The following TBL3 variants were observed in gnomAD, a reference collection of about 807,000 sequenced individuals.
TBL3 encodes transducin beta-like protein 3.
In TBL3, 71 loss-of-function variants were observed where a neutral mutation model predicts 102.7. The ratio of observed to expected loss-of-function variants is 0.69; its 90% CI spans 0.57 to 0.84. The LOEUF (loss-of-function observed/expected upper bound fraction) is 0.84. TBL3 is among the 40% of genes least tolerant of loss of function. TBL3 has a pLI of 0.00. For missense variants in TBL3, 1,188 were observed against 1,098.5 expected, an observed-to-expected ratio of 1.08 and a Z score of -1.15; for synonymous variants, 578 against 477.7, an observed-to-expected ratio of 1.21 and a Z score of -2.74.
Position 1,979,286 on chromosome 16 carries a change from G to C in TBL3, c.*601G>C. 1 of 1,558,962 alleles carries C rather than the reference G, an allele frequency of 6.4e-7. No homozygotes were observed. Among genetic ancestry groups the C allele is most frequent in the Non-Finnish European group, 8.6e-7 (1 of 1,159,952 alleles). On this transcript the variant is annotated 3_prime_UTR_variant, in exon 22 of 22. Transcript: ENST00000568546. ...CTCCACGGAACCCCGTCCCGCTCAG[G>C]AGAGCGCCCAGCCCTTCCGGCCGCA... is the stretch of plus-strand genomic sequence containing the variant.
Position 1,980,143 on chromosome 16 carries a change from GAA to G in TBL3, c.*1460_*1461del. The G allele has an allele frequency of 6.2e-7, 1 of 1,605,716 alleles. No homozygotes were observed. The highest frequency in any genetic ancestry group is 8.5e-7 in the Non-Finnish European group (1 of 1,178,346). On this transcript the variant is annotated 3_prime_UTR_variant, in exon 22 of 22. Transcript: ENST00000568546. ...GATGGAGAGGCGGCCCGCAGCGCGA[GAA>G]AGAGGCTGCTCCTCTGGGGTGGGCA...
Position 1,979,137 on chromosome 16 carries a change from C to G in TBL3, c.*452C>G, listed in dbSNP as rs751783687. ...CCGTGGGCGCCGCTCCAGGGCCCTG[C>G]GTGTGACGGTGCAGCAGCGGCTCTG... On this transcript the variant is annotated 3_prime_UTR_variant, in exon 22 of 22. Coordinates refer to ENST00000568546, the MANE Select transcript of TBL3 (RefSeq NM_006453.3). The G allele has an allele frequency of 1.4e-6, 2 of 1,472,224 alleles. No individual in the cohort carries two copies. The highest frequency in any genetic ancestry group is 1.3e-5 in the South Asian group (1 of 76,676). The allele number at this position is 1,472,224 out of a possible 1,614,324, so 91.2% of individuals were successfully genotyped here. A position where few individuals can be genotyped will look rare whatever the true frequency, so the allele number is the denominator to read the frequency against.
Position 1,981,068 on chromosome 16 carries a change from C to T in TBL3, c.*2383C>T, listed in dbSNP as rs889312626. The T allele has an allele frequency of 3.7e-6, 6 of 1,609,366 alleles. No individual in the cohort carries two copies. In the Admixed American group the frequency reaches 5.0e-5, roughly 13 times the overall value. On this transcript the variant is annotated 3_prime_UTR_variant, in exon 22 of 22. Transcript: ENST00000568546. The stretch of plus-strand genomic sequence containing the variant: ...GCCGTGGAGGTGCTGGTCCAGGCAC[C>T]CCCTTCCTATCCCTTGGGGCCACTA...
rs1415988126 is a variant in TBL3, at chr16:1,981,674, C to A, written c.*2989C>A. 5.8e-6 allele frequency: 1 copy of A among 170,988 alleles called. No individual in the cohort carries two copies. Among genetic ancestry groups the A allele is most frequent in the Non-Finnish European group, 1.3e-5 (1 of 78,976 alleles). 10.6% of individuals were successfully genotyped at this position (170,988 alleles called of 1,614,324 possible). On this transcript the variant is annotated 3_prime_UTR_variant, in exon 22 of 22. Coordinates refer to ENST00000568546, the MANE Select transcript of TBL3 (RefSeq NM_006453.3). ...TGGCCTGGGGATTTCTGTGCAGAAC[C>A]AAGGACTCAGTGCTTACAGCTTTAA... is the stretch of plus-strand genomic sequence containing the variant.
chr16:1,979,373 GGGCCCC>G lies in TBL3; in HGVS notation c.*690_*695del, dbSNP rs2083448367. The G allele has an allele frequency of 6.3e-7, 1 of 1,588,254 alleles. No individual in the cohort carries two copies. On this transcript the variant is annotated 3_prime_UTR_variant, in exon 22 of 22. Coordinates refer to ENST00000568546, the MANE Select transcript of TBL3 (RefSeq NM_006453.3). ...ACCTGCGAGGGGCGGGGTGTGGTTA[GGGCCCC>G]GCCCGCCTCGGCTAGCCTGCCCTGC...
At chr16:1,977,462 G>T (rs2083412610) in intron 16 of TBL3, 36 bp downstream of exon 16, 1 of 1,609,368 alleles carries the variant, frequency 6.2e-7, no homozygotes, top group Non-Finnish European at 8.5e-7. Flanking sequence ...ATGGAGTGGG[G>T]GGTGGCGGGG....
rs1007214113 is a variant in TBL3, at chr16:1,982,345, CCTT to C, written c.*3663_*3665del. On this transcript the variant is annotated 3_prime_UTR_variant, in exon 22 of 22. Transcript: ENST00000568546. Reference sequence around the variant, plus strand: ...GCAGGGTTCCCCCAGCCAGCTGTCACCTTCTCCCTGTCTCAGCTGAGGGCCCAG... The same window carrying C: ...GCAGGGTTCCCCCAGCCAGCTGTCACCTCCCTGTCTCAGCTGAGGGCCCAG... The C allele has an allele frequency of 3.9e-5, 6 of 152,282 alleles. No homozygotes were observed. Among genetic ancestry groups the C allele is most frequent in the South Asian group, 2.1e-4 (1 of 4,826 alleles). The allele number at this position is 152,282 out of a possible 1,614,324, so 9.4% of individuals were successfully genotyped here.
rs777017869 is a variant in TBL3 at position 1,975,940 on chromosome 16, G to A, written c.1120G>A (p.Gly374Ser). 15 of 1,614,004 alleles carry A rather than the reference G, an allele frequency of 9.3e-6. No individual in the cohort carries two copies. Among genetic ancestry groups the A allele is most frequent in the Admixed American group, 5.0e-5 (3 of 60,016 alleles). ...GACGTCAGCCTGCCAGATCCTCCAC[G>A]GCCACACGGGTGAGTGGGGCCAGCC... is the stretch of plus-strand genomic sequence containing the variant. Reference protein sequence around the residue: ...LQTSACQILHGHTDIVLALDV... With the variant: ...LQTSACQILHSHTDIVLALDV... Residue 374 changes from glycine (G) to serine (S), a missense_variant, in exon 11 of 22, where the codon GGC becomes AGC. Transcript: ENST00000568546.
Position 1,980,331 on chromosome 16 carries a change from CCG to C in TBL3, c.*1648_*1649del. 6.3e-7 allele frequency: 1 copy of C among 1,584,516 alleles called. No individual in the cohort carries two copies. Reference sequence around the variant, plus strand: ...CCTGGACCTCTCCCAGCTCCAAACGCCGCTGCATGCTGGGAGTTTGGGGCGAG... The same window carrying C: ...CCTGGACCTCTCCCAGCTCCAAACGCCTGCATGCTGGGAGTTTGGGGCGAG... On this transcript the variant is annotated 3_prime_UTR_variant, in exon 22 of 22. Coordinates refer to ENST00000568546, the MANE Select transcript of TBL3 (RefSeq NM_006453.3).
rs1293625783 is a variant in TBL3, at chr16:1,977,706, G to A, written c.1899+36G>A. 3 of 1,551,920 alleles carry A rather than the reference G, an allele frequency of 1.9e-6. No homozygotes were observed. In the South Asian group the frequency reaches 3.6e-5, roughly 18 times the overall value. ...CCAAGGGCAGGGAAGAGTCGGGGTGGAGTGGAGGCCCCATCTGACCCTAGT... is the reference window on the plus strand; with the variant it reads ...CCAAGGGCAGGGAAGAGTCGGGGTGAAGTGGAGGCCCCATCTGACCCTAGT... On this transcript the variant is annotated intron_variant, in intron 17 of 21. Coordinates refer to ENST00000568546, the MANE Select transcript of TBL3 (RefSeq NM_006453.3).
Position 1,974,845 on chromosome 16 carries a change from G to T in TBL3, c.462G>T (p.Val154=), listed in dbSNP as rs1200655135. 6.2e-7 allele frequency: 1 copy of T among 1,613,198 alleles called. No homozygotes were observed. Among genetic ancestry groups the T allele is most frequent in the African/African-American group, 1.3e-5 (1 of 75,070 alleles). Residue 154 remains valine, a splice_region_variant and synonymous_variant, in exon 6 of 22, where the codon GTG becomes GTT. Transcript: ENST00000568546. ...THHFRGSPGV[V]HLVAFHPDPT... is the part of the protein sequence containing the mutation. Reference sequence around the variant, plus strand: ...ACTTCCGAGGCTCGCCCGGTGTCGTGCAGTGAGTTGGAAGGTGGAGGGGGA... The same window carrying T: ...ACTTCCGAGGCTCGCCCGGTGTCGTTCAGTGAGTTGGAAGGTGGAGGGGGA...
chr16:1,978,782 C>G lies in TBL3; in HGVS notation c.*97C>G, dbSNP rs1008587307. On this transcript the variant is annotated 3_prime_UTR_variant, in exon 22 of 22. Coordinates refer to ENST00000568546, the MANE Select transcript of TBL3 (RefSeq NM_006453.3). ...TGTCTCTCTGGACTGCAGTCCAGCC[C>G]CCCACCCTGGCCAACACCCTACCTA... The G allele has an allele frequency of 2.7e-5, 39 of 1,448,788 alleles. 1 individual carries two copies. The highest frequency in any genetic ancestry group is 3.7e-5 in the Non-Finnish European group (39 of 1,067,528). 89.7% of individuals were successfully genotyped at this position (1,448,788 alleles called of 1,614,324 possible).
At chr16:1,973,056 C>G (rs1317602379) in intron 1 of TBL3, among the ~76,000 whole-genome samples, 2 of 152,096 alleles carry the variant, frequency 1.3e-5, no homozygotes, top group Non-Finnish European at 2.9e-5. Flanking sequence ...TGGGCAAGGT[C>G]TGGGAGGTGT....
intron 1 of TBL3, among the ~76,000 whole-genome samples, chr16:1,973,078 G>A (rs1010891514): frequency 6.6e-6 from 1 of 152,172 alleles, no homozygotes; most frequent in Admixed American, 6.5e-5. Flanking sequence ...TGGGCAGAAG[G>A]GAGGGGCTAA....
In TBL3 at chr16:1,980,739, C is replaced by T. The variant is rs963535062; in HGVS notation, c.*2054C>T. ...GGTCTCCTTGAGGGTCTTCTGAGGG[C>T]GGGAACCAGGGCATTGGTCTTCCAG... On this transcript the variant is annotated 3_prime_UTR_variant, in exon 22 of 22. Transcript: ENST00000568546. The T allele has an allele frequency of 1.9e-6, 3 of 1,591,424 alleles. No individual in the cohort carries two copies. The highest frequency in any genetic ancestry group is 2.6e-6 in the Non-Finnish European group (3 of 1,168,560).
In TBL3 at chr16:1,975,633, G is replaced by A. The variant is rs766179118; in HGVS notation, c.910G>A (p.Ala304Thr). 126 of 1,603,962 alleles carry A rather than the reference G, an allele frequency of 7.9e-5. No homozygotes were observed. Among genetic ancestry groups the A allele is most frequent in the South Asian group, 1.6e-4 (15 of 91,046 alleles). The change falls in exon 10 of 22, where the codon GCC (alanine) becomes ACC (threonine). Residue 304 changes from alanine (A) to threonine (T), a missense_variant. By Grantham distance (58) the Ala-to-Thr change is moderately conservative. Coordinates refer to ENST00000568546, the MANE Select transcript of TBL3 (RefSeq NM_006453.3). ...GACCCACTGCACCCTGGCACACACC[G>A]CCGGCGTGGTCCTCACCGCCACCGC... ...ELTHCTLAHT[A>T]GVVLTATADH...
chr16:1,978,696 C>T lies in TBL3; in HGVS notation c.*11C>T. On this transcript the variant is annotated 3_prime_UTR_variant, in exon 22 of 22. Coordinates refer to ENST00000568546, the MANE Select transcript of TBL3 (RefSeq NM_006453.3). The stretch of plus-strand genomic sequence containing the variant: ...GGCGCACTGCCCTAGCCGGTCCGGC[C>T]TCTCTCCAGTCCATCCTGAACCCCT... 1 of 1,604,744 alleles carries T rather than the reference C, an allele frequency of 6.2e-7. No individual in the cohort carries two copies. Among genetic ancestry groups the T allele is most frequent in the South Asian group, 1.1e-5 (1 of 90,842 alleles).
In TBL3 at chr16:1,976,022, G is replaced by C. The variant is rs370280051; in HGVS notation, c.1130-34G>C. 3 of 1,614,076 alleles carry C rather than the reference G, an allele frequency of 1.9e-6. No individual in the cohort carries two copies. The African/African-American group carries it at 4.0e-5, about 22-fold the overall frequency. ...TTGCTTGCTTCCCTTCCCCCGTCTT[G>C]CTGTGTGACCTATACCTCCCCACAA... On this transcript the variant is annotated intron_variant, in intron 11 of 21. Coordinates refer to ENST00000568546, the MANE Select transcript of TBL3 (RefSeq NM_006453.3).
chr16:1,974,071 C>A lies in TBL3; in HGVS notation c.57C>A (p.Arg19=). ...GRFKTNYAVE[R]KIEPFYKGGK... ...CTCCTTCCAGCTATGCTGTGGAGCG[C>A]AAAATTGAGCCTTTCTACAAGGGCG... The change falls in exon 2 of 22, where the codon CGC becomes CGA. Residue 19 remains arginine (R), a synonymous_variant. Coordinates refer to ENST00000568546, the MANE Select transcript of TBL3 (RefSeq NM_006453.3). 1 of 1,579,928 alleles carries A rather than the reference C, an allele frequency of 6.3e-7. No individual in the cohort carries two copies. Among genetic ancestry groups the A allele is most frequent in the Non-Finnish European group, 8.6e-7 (1 of 1,157,406 alleles).
Sources: allele counts gnomAD v4.1 joint callset (sites outside exome capture counted in the v4.1 genomes callset), GRCh38; gene constraint gnomAD v4.1.1; transcripts MANE v1.5; gene names NCBI Gene and HGNC (gene_info 2026-07-23, HGNC 2026-07-21).